The following SACS variants were observed in gnomAD, a reference collection of about 807,000 sequenced individuals.
SACS encodes sacsin.
In SACS, 197 loss-of-function variants were observed where a neutral mutation model predicts 348.0. The observed-to-expected ratio is 0.57, with a 90% confidence interval of 0.50 to 0.64. The LOEUF (loss-of-function observed/expected upper bound fraction) is 0.64, where lower values mean the gene tolerates loss of function less well. Among genes scored for constraint, SACS ranks in the 30% least tolerant of loss-of-function variants. The pLI, the probability that SACS is intolerant of heterozygous loss-of-function variation, is 0.00. For missense variants in SACS, 4,999 were observed against 5,360.8 expected (o/e 0.93, Z 2.11); for synonymous variants, 1,985 against 1,910.6 (o/e 1.04, Z -1.02).
rs775059063 is a variant in SACS at position 23,341,435 on chromosome 13, CAT to C, written c.2439_2440del (p.Val815GlyfsTer4). 18 of 1,613,908 alleles carry C rather than the reference CAT, an allele frequency of 1.1e-5. No homozygotes were observed. The highest frequency in any genetic ancestry group is 6.7e-5 in the African/African-American group (5 of 74,936). On this transcript the variant is annotated frameshift_variant, in exon 10 of 10. Coordinates refer to ENST00000382292, the MANE Select transcript of SACS (RefSeq NM_014363.6). LOFTEE classifies it high-confidence loss of function. ...AATCCTGAGTCTAATGAGTTCCACA[CAT>C]GTCTGACCTTCCTCTAGTATAGTTC...
Position 23,330,396 on chromosome 13 carries a change from C to T in SACS, c.13480G>A (p.Gly4494Arg). Residue 4494 changes from glycine to arginine, a missense_variant, in exon 10 of 10, where the codon GGA (glycine) becomes AGA (arginine). By Grantham distance (125) the Gly-to-Arg change is moderately radical. Coordinates refer to ENST00000382292, the MANE Select transcript of SACS (RefSeq NM_014363.6). ...ALIAADYAVR[G>R]KSDKDVKPTA... is the part of the protein sequence containing the mutation. ...GGTTTTACATCTTTATCAGACTTTC[C>T]CCTCACAGCATAGTCAGCTGCAATC... The T allele has an allele frequency of 6.2e-7, 1 of 1,614,122 alleles. No homozygotes were observed. The highest frequency in any genetic ancestry group is 8.5e-7 in the Non-Finnish European group (1 of 1,180,030).
intron 5 of SACS, 64 bp downstream of exon 5, chr13:23,368,338 A>C: frequency 8.0e-7 from 1 of 1,245,636 alleles, no homozygotes; most frequent in East Asian, 2.4e-5. Context: ...AGGACTTTCA[A>C]GTAAATTTAC....
Position 23,330,798 on chromosome 13 carries a change from T to G in SACS, c.13078A>C (p.Asn4360His). 1 of 1,614,126 alleles carries G rather than the reference T, an allele frequency of 6.2e-7. No individual in the cohort carries two copies. Among genetic ancestry groups the G allele is most frequent in the Non-Finnish European group, 8.5e-7 (1 of 1,180,002 alleles). ...AGAAAAGCCTGTTTTTCTAATCTGT[T>G]GATTTCATTCTGCAAATGTTTAAAA... ...EVFKHLQNEI[N>H]RLEKQAFLDQ... Residue 4360 changes from asparagine to histidine, a missense_variant, in exon 10 of 10, where the codon AAC (asparagine) becomes CAC (histidine). Transcript: ENST00000382292.
chr13:23,371,983 T>A lies in SACS; in HGVS notation c.172-818A>T, dbSNP rs75316918. Among the ~76,000 whole-genome samples the A allele has an allele frequency of 2.1e-3, 322 of 152,350 alleles. No homozygotes were observed. In the Middle Eastern group the frequency reaches 0.024, roughly 11 times the overall value. ...CCCCAGCCTGGGCAACACAGTGAGA[T>A]CTGTCTCTATTTGAAAAAAATTTTT... On this transcript the variant is annotated intron_variant, in intron 3 of 9. Coordinates refer to ENST00000382292, the MANE Select transcript of SACS (RefSeq NM_014363.6).
chr13:23,374,649 T>G (rs767113638), intron 3 of SACS, among the ~76,000 whole-genome samples: 7 of 152,246 alleles, frequency 4.6e-5, no homozygotes, highest in African/African-American at 7.2e-5. Flanking sequence ...AGTTTTAGTA[T>G]GTTTACTCCC....
intron 9 of SACS, among the ~76,000 whole-genome samples, chr13:23,352,476 G>C (rs1870024476): frequency 1.3e-5 from 2 of 152,298 alleles, no homozygotes; most frequent in South Asian, 4.1e-4. Flanking sequence ...TTTGGGGCTG[G>C]TAATCTTCTG....
rs777967700 is a variant in SACS at position 23,339,175 on chromosome 13, A to G, written c.4701T>C (p.Thr1567=). 1.9e-6 allele frequency: 3 copies of G among 1,613,032 alleles called. No homozygotes were observed. In the Admixed American group the frequency reaches 5.0e-5, roughly 27 times the overall value. The change falls in exon 10 of 10, where the codon ACT becomes ACC. Residue 1567 remains threonine (T), a synonymous_variant. Transcript: ENST00000382292. ...CCCGACTCATAATGATGGGAATGTC[A>G]GTGATATGGTACACAGAATTAAATC... The part of the protein sequence containing the change: ...GLGFNSVYHI[T]DIPIIMSREF...
chr13:23,337,031 A>C lies in SACS; in HGVS notation c.6845T>G (p.Leu2282Trp). 1.2e-6 allele frequency: 2 copies of C among 1,613,940 alleles called. No individual in the cohort carries two copies. The highest frequency in any genetic ancestry group is 1.7e-6 in the Non-Finnish European group (2 of 1,179,862). ...AACTGTTGGCTTCTTGAGTAATCCCAAAAACTCTTTAACAGCCAATGACAC... is the reference window on the plus strand; with the variant it reads ...AACTGTTGGCTTCTTGAGTAATCCCCAAAACTCTTTAACAGCCAATGACAC... Reference protein sequence around the residue: ...GSVSLAVKEFLGLLKKPTVDL... With the variant: ...GSVSLAVKEFWGLLKKPTVDL... Residue 2282 changes from leucine to tryptophan, a missense_variant, in exon 10 of 10, where the codon TTG becomes TGG. Leu to Trp is a moderately conservative substitution (Grantham distance 61). Coordinates refer to ENST00000382292, the MANE Select transcript of SACS (RefSeq NM_014363.6).
intron 2 of SACS, among the ~76,000 whole-genome samples, chr13:23,404,338 T>C (rs1249760249): frequency 5.3e-5 from 8 of 152,166 alleles, no homozygotes; most frequent in Admixed American, 5.2e-4. Context: ...ATTATCTCAA[T>C]AGATGCAGAA....
At chr13:23,429,803 C>T (rs527940367) in intron 1 of SACS, among the ~76,000 whole-genome samples, 1 of 152,154 alleles carries the variant, frequency 6.6e-6, no homozygotes, top group Non-Finnish European at 1.5e-5. Flanking sequence ...ACATTAAAAT[C>T]TTGGGTACTT....
At chr13:23,402,196 A>G (rs927102902) in intron 2 of SACS, among the ~76,000 whole-genome samples, 76 of 151,128 alleles carry the variant, frequency 5.0e-4, no homozygotes, top group Non-Finnish European at 9.5e-4. Context: ...AAAAAAAAAG[A>G]CTTTCCAGAG....
chr13:23,413,300 A>T (rs1873569381), intron 1 of SACS, among the ~76,000 whole-genome samples: 1 of 152,244 alleles, frequency 6.6e-6, no homozygotes. Flanking sequence ...AAACAATGGT[A>T]AGTGGAGGGA....
intron 2 of SACS, among the ~76,000 whole-genome samples, chr13:23,403,598 TC>T (rs370547299): frequency 2.0e-3 from 311 of 152,244 alleles, no homozygotes; most frequent in African/African-American, 7.1e-3. Context: ...GTGGTGATAT[TC>T]CCTTTATCCT....
intron 2 of SACS, among the ~76,000 whole-genome samples, chr13:23,389,172 A>G (rs13378433): frequency 0.21 from 31,525 of 150,834 alleles, 3,433 homozygotes; most frequent in South Asian, 0.35. Flanking sequence ...ATGTGTGTGT[A>G]TATATATATG....
intron 2 of SACS, among the ~76,000 whole-genome samples, chr13:23,381,141 T>G (rs775405197): frequency 6.6e-5 from 10 of 152,214 alleles, no homozygotes; most frequent in Non-Finnish European, 1.0e-4. Flanking sequence ...GTGTCAGGAT[T>G]GGAACCCAGG....
At chr13:23,358,293 T>C (rs1027415021) in intron 7 of SACS, 42 bp downstream of exon 7, 1 of 1,587,116 alleles carries the variant, frequency 6.3e-7, no homozygotes, top group Non-Finnish European at 8.7e-7. Context: ...ATGTAAGATA[T>C]AATATTTTCT....
intron 1 of SACS, among the ~76,000 whole-genome samples, chr13:23,418,060 CAA>C (rs34026983): frequency 6.7e-4 from 80 of 119,090 alleles, no homozygotes; most frequent in East Asian, 1.9e-3. Flanking sequence ...GATTCTGTCT[CAA>C]AAAAAAAAAA....
At chr13:23,378,492 T>C (rs1371384350) in intron 2 of SACS, among the ~76,000 whole-genome samples, 1 of 152,168 alleles carries the variant, frequency 6.6e-6, no homozygotes, top group Non-Finnish European at 1.5e-5. Flanking sequence ...TTTTTCTTTT[T>C]TGAGACAGAG....
In SACS at chr13:23,433,698, G is replaced by A; in HGVS notation, c.-585C>T. On this transcript the variant is annotated 5_prime_UTR_variant, in exon 1 of 10. Coordinates refer to ENST00000382292, the MANE Select transcript of SACS (RefSeq NM_014363.6). Reference sequence around the variant, plus strand: ...TTCCCAGCGTGACTGTCCCGCAGCCGCACTGGGTCCAGGCGGCTCCTGCCG... The same window carrying A: ...TTCCCAGCGTGACTGTCCCGCAGCCACACTGGGTCCAGGCGGCTCCTGCCG... 6.6e-6 allele frequency: 1 copy of A among 152,466 alleles called. No homozygotes were observed. The highest frequency in any genetic ancestry group is 1.5e-5 in the Non-Finnish European group (1 of 68,126). The allele number at this position is 152,466 out of a possible 1,614,324, so 9.4% of individuals were successfully genotyped here. A position where few individuals can be genotyped will look rare whatever the true frequency, so the allele number is the denominator to read the frequency against.
Sources: allele counts gnomAD v4.1 joint callset (sites outside exome capture counted in the v4.1 genomes callset), GRCh38; gene constraint gnomAD v4.1.1; transcripts MANE v1.5; gene names NCBI Gene and HGNC (gene_info 2026-07-23, HGNC 2026-07-21).